The following BHMT variants were observed in gnomAD, a reference collection of about 807,000 sequenced individuals.
BHMT encodes betaine--homocysteine S-methyltransferase, also known as betaine--homocysteine S-methyltransferase 1.
In BHMT, 38 loss-of-function variants were observed where a neutral mutation model predicts 49.5. The observed-to-expected ratio is 0.77, with a 90% CI of 0.59 to 1.01. The LOEUF is 1.01. Ranked by LOEUF, BHMT falls within the 50% of genes least tolerant of loss-of-function variation. The probability of loss-of-function intolerance (pLI) is 0.00; values close to 1 mark genes in which losing one functional copy is unlikely to be tolerated. For missense variants in BHMT, 426 were observed against 495.7 expected (o/e 0.86, Z 1.34); for synonymous variants, 166 against 176.3 (o/e 0.94, Z 0.46).
intron 5 of BHMT, among the ~76,000 whole-genome samples, chr5:79,123,275 C>G (rs539568146): frequency 6.6e-6 from 1 of 152,020 alleles, no homozygotes; most frequent in Non-Finnish European, 1.5e-5. Flanking sequence ...GGGAGTGAGG[C>G]CTACTTGGAA....
intron 2 of BHMT, among the ~76,000 whole-genome samples, chr5:79,117,029 G>C (rs749675094): frequency 6.6e-6 from 1 of 152,132 alleles, no homozygotes; most frequent in Non-Finnish European, 1.5e-5. Context: ...AGAGTTTGAG[G>C]AATCTGCCTT....
At chr5:79,112,028 C>A in intron 1 of BHMT, 110 bp downstream of exon 1, 2 of 1,213,544 alleles carry the variant, frequency 1.6e-6, no homozygotes, top group South Asian at 1.6e-5. Flanking sequence ...ACCCATCATC[C>A]TCCTACTCCC....
intron 2 of BHMT, among the ~76,000 whole-genome samples, chr5:79,116,767 T>A (rs2112723596): frequency 1.3e-5 from 2 of 152,290 alleles, no homozygotes; most frequent in East Asian, 1.9e-4. Context: ...TTAAAATAAG[T>A]AATATAATGA....
Position 79,131,375 on chromosome 5 carries a change from A to C in BHMT, c.*259A>C. On this transcript the variant is annotated 3_prime_UTR_variant, in exon 8 of 8. Transcript: ENST00000274353. ...ACCCACCCTGTGAAAAGTATTATGG[A>C]AATCACTGCTGCACAGGAAAAGTAA... 2.7e-6 allele frequency: 1 copy of C among 373,128 alleles called. No homozygotes were observed. Among genetic ancestry groups the C allele is most frequent in the Non-Finnish European group, 4.8e-6 (1 of 207,492 alleles). The allele number at this position is 373,128 out of a possible 1,614,324, so 23.1% of individuals were successfully genotyped here. A position where few individuals can be genotyped will look rare whatever the true frequency, so the allele number is the denominator to read the frequency against.
At chr5:79,121,189 A>C (rs201086861) in intron 4 of BHMT, 29 bp from the exon 5 acceptor site, 1 of 1,597,924 alleles carries the variant, frequency 6.3e-7, no homozygotes, top group African/African-American at 1.3e-5. Flanking sequence ...AAACGAGATT[A>C]AAAGTACTCT....
chr5:79,114,742 T>C (rs1190467703), intron 1 of BHMT, among the ~76,000 whole-genome samples: 1 of 152,198 alleles, frequency 6.6e-6, no homozygotes, highest in Admixed American at 6.5e-5. Context: ...TGGAAAACCA[T>C]GTATAAATTA....
Position 79,115,891 on chromosome 5 carries a change from C to G in BHMT, c.158C>G (p.Pro53Arg). Reference sequence around the variant, plus strand: ...ACTCCTGAAGCTGCTGTGGAGCACCCAGAAGCAGGTTGGTGCAGAGCTCTA... The same window carrying G: ...ACTCCTGAAGCTGCTGTGGAGCACCGAGAAGCAGGTTGGTGCAGAGCTCTA... ...PWTPEAAVEH[P>R]EAVRQLHREF... Residue 53 changes from proline to arginine, a missense_variant, in exon 2 of 8, where the codon CCA becomes CGA. By Grantham distance (103) the Pro-to-Arg change is moderately radical (BLOSUM62 -2). Coordinates refer to ENST00000274353, the MANE Select transcript of BHMT (RefSeq NM_001713.3). 6.2e-7 allele frequency: 1 copy of G among 1,613,094 alleles called. No homozygotes were observed. The highest frequency in any genetic ancestry group is 8.5e-7 in the Non-Finnish European group (1 of 1,179,564).
chr5:79,116,890 A>G (rs1040377909), intron 2 of BHMT, among the ~76,000 whole-genome samples: 37 of 152,154 alleles, frequency 2.4e-4, no homozygotes, highest in African/African-American at 8.4e-4. Context: ...GGTCAGGAAA[A>G]AGTAGGTGAA....
Position 79,115,917 on chromosome 5 carries a change from T to C in BHMT, c.166+18T>C, listed in dbSNP as rs1019121930. On this transcript the variant is annotated intron_variant, in intron 2 of 7. Transcript: ENST00000274353. ...AGAAGCAGGTTGGTGCAGAGCTCTA[T>C]TGTAAGTTCTCATAAAGGAGCCGGG... is the stretch of plus-strand genomic sequence containing the variant. The C allele has an allele frequency of 1.9e-6, 3 of 1,598,460 alleles. No individual in the cohort carries two copies. Among genetic ancestry groups the C allele is most frequent in the African/African-American group, 1.3e-5 (1 of 74,284 alleles).
At position 79,131,190 on chromosome 5, in the gene BHMT, T is replaced by TA; in HGVS notation, c.*79dup. On this transcript the variant is annotated 3_prime_UTR_variant, in exon 8 of 8. Coordinates refer to ENST00000274353, the MANE Select transcript of BHMT (RefSeq NM_001713.3). ...TTCCTACAAATACGGAAAAGGGGGT[T>TA]AAAAAGCAGTGCTTTCATGAATGCC... is the stretch of plus-strand genomic sequence containing the variant. The TA allele has an allele frequency of 2.8e-6, 4 of 1,431,868 alleles. No individual in the cohort carries two copies. The highest frequency in any genetic ancestry group is 3.8e-6 in the Non-Finnish European group (4 of 1,051,144). The allele number at this position is 1,431,868 out of a possible 1,614,324, so 88.7% of individuals were successfully genotyped here.
At position 79,113,571 on chromosome 5, in the gene BHMT, A is replaced by T. The variant is rs908459465; in HGVS notation, c.33+1653A>T. On this transcript the variant is annotated intron_variant, in intron 1 of 7. Coordinates refer to ENST00000274353, the MANE Select transcript of BHMT (RefSeq NM_001713.3). The stretch of plus-strand genomic sequence containing the variant: ...AAGTTTGCACATGTTCATTATAAAC[A>T]ATGAGGGAAAGCACAAAGAACAGTG... Among the ~76,000 whole-genome samples, 3 of 152,234 alleles carry T rather than the reference A, an allele frequency of 2.0e-5. No homozygotes were observed. In the South Asian group the frequency reaches 6.2e-4, roughly 32 times the overall value.
chr5:79,115,555 A>G (rs1756374830), intron 1 of BHMT, among the ~76,000 whole-genome samples: 1 of 152,144 alleles, frequency 6.6e-6, no homozygotes, highest in Non-Finnish European at 1.5e-5. Flanking sequence ...CACCCACAGC[A>G]CATACAAAGG....
intron 6 of BHMT, 133 bp from the exon 7 acceptor site, chr5:79,127,622 G>C (rs1756572011): frequency 4.7e-6 from 6 of 1,285,068 alleles, no homozygotes; most frequent in African/African-American, 1.5e-5. Flanking sequence ...AAGTAGCAAA[G>C]TTTTTTCTTA....
intron 5 of BHMT, among the ~76,000 whole-genome samples, chr5:79,122,136 G>T (rs1463850142): frequency 1.3e-5 from 2 of 151,924 alleles, no homozygotes; most frequent in Non-Finnish European, 2.9e-5. Context: ...TAGAGACGGG[G>T]TTTCACTATT....
At position 79,131,403 on chromosome 5, in the gene BHMT, C is replaced by A; in HGVS notation, c.*287C>A. ...TCACTGCTGCACAGGAAAAGTAATTCAGATGTTAATGCCACTTGAAGAAGT... is the reference window on the plus strand; with the variant it reads ...TCACTGCTGCACAGGAAAAGTAATTAAGATGTTAATGCCACTTGAAGAAGT... On this transcript the variant is annotated 3_prime_UTR_variant, in exon 8 of 8. Coordinates refer to ENST00000274353, the MANE Select transcript of BHMT (RefSeq NM_001713.3). 3.8e-6 allele frequency: 1 copy of A among 262,824 alleles called. No homozygotes were observed. The highest frequency in any genetic ancestry group is 7.2e-6 in the Non-Finnish European group (1 of 139,308). The allele number at this position is 262,824 out of a possible 1,614,324, so 16.3% of individuals were successfully genotyped here.
At position 79,127,834 on chromosome 5, in the gene BHMT, T is replaced by G. The variant is rs1185001291; in HGVS notation, c.888T>G (p.Ile296Met). 6.2e-7 allele frequency: 1 copy of G among 1,613,986 alleles called. No homozygotes were observed. The highest frequency in any genetic ancestry group is 2.2e-5 in the East Asian group (1 of 44,894). The change falls in exon 7 of 8, where the codon ATT becomes ATG. Residue 296 changes from isoleucine to methionine, a missense_variant. This residue lies in a region of BHMT where 32 missense variants were observed against 71.6 expected (regional missense o/e 0.45). Coordinates refer to ENST00000274353, the MANE Select transcript of BHMT (RefSeq NM_001713.3). Reference sequence around the variant, plus strand: ...CCTACAACCTGGGGGTCAGGTACATTGGCGGGTGCTGTGGATTTGAGCCCT... The same window carrying G: ...CCTACAACCTGGGGGTCAGGTACATGGGCGGGTGCTGTGGATTTGAGCCCT... ...REAYNLGVRY[I>M]GGCCGFEPYH...
intron 3 of BHMT, 174 bp from the exon 4 acceptor site, chr5:79,120,176 G>A: frequency 1.8e-6 from 1 of 561,506 alleles, no homozygotes. Flanking sequence ...TATTATTAGT[G>A]TTATTGTTAT....
intron 2 of BHMT, among the ~76,000 whole-genome samples, chr5:79,118,884 C>A (rs1427009664): frequency 6.6e-6 from 1 of 152,210 alleles, no homozygotes; most frequent in Non-Finnish European, 1.5e-5. Flanking sequence ...ATAGCCCAAC[C>A]ATGCAGTGCT....
Position 79,115,847 on chromosome 5 carries a change from C to G in BHMT, c.114C>G (p.Tyr38Ter), listed in dbSNP as rs373553877. The part of the protein sequence containing the change: ...GFVFALEKRG[Y>*]VKAGPWTPEA... ...TCTTTGCACTGGAGAAGAGGGGCTA[C>G]GTAAAGGCAGGACCCTGGACTCCTG... The change falls in exon 2 of 8, where the codon TAC becomes TAG. Residue 38 changes from tyrosine to a stop codon, truncating the protein, a stop_gained. Coordinates refer to ENST00000274353, the MANE Select transcript of BHMT (RefSeq NM_001713.3). LOFTEE classifies it high-confidence loss of function. 1.2e-6 allele frequency: 2 copies of G among 1,613,962 alleles called. No homozygotes were observed. The highest frequency in any genetic ancestry group is 1.1e-5 in the South Asian group (1 of 91,050).
Sources: allele counts gnomAD v4.1 joint callset (sites outside exome capture counted in the v4.1 genomes callset), GRCh38; gene constraint gnomAD v4.1.1; regional missense constraint gnomAD v4.1.1; transcripts MANE v1.5; gene names NCBI Gene and HGNC (gene_info 2026-07-23, HGNC 2026-07-21).